OR7E24: variants seen among roughly 807,000 people sequenced by gnomAD.
OR7E24 encodes olfactory receptor 7E24.
For synonymous variants in OR7E24, 130 were observed against 157.5 expected (o/e 0.83, Z 1.31); for missense variants, 385 against 410.3 (o/e 0.94, Z 0.53).
At chr19:9,213,931 T>G in the OR7E24 span, 1 of 1,614,152 alleles carries the variant, frequency 6.2e-7, no homozygotes. Context: ...CTGAGGAGTC[T>G]TTCCAGGGCC....
the OR7E24 span, chr19:9,207,791 T>G: frequency 6.6e-6 from 1 of 152,198 alleles, no homozygotes; most frequent in African/African-American, 2.4e-5. Flanking sequence ...TTCCATCTGG[T>G]GTTCTTGTTA....
chr19:9,228,249 A>G, the OR7E24 span, among the ~76,000 whole-genome samples: 1,505 of 152,262 alleles, frequency 9.9e-3, 33 homozygotes, highest in African/African-American at 0.034. Context: ...CATGGATTTT[A>G]TATATTGGGG....
the OR7E24 span, chr19:9,236,215 T>C: frequency 1.6e-6 from 1 of 618,704 alleles, no homozygotes; most frequent in African/African-American, 1.8e-5. Context: ...CGACTTTGCT[T>C]AAAATGTTTT....
At chr19:9,237,264 T>A in the OR7E24 span, among the ~76,000 whole-genome samples, 1 of 152,060 alleles carries the variant, frequency 6.6e-6, no homozygotes, top group Non-Finnish European at 1.5e-5. Flanking sequence ...AGTCTCTCCC[T>A]CCTTCCTTTC....
the OR7E24 span, among the ~76,000 whole-genome samples, chr19:9,218,521 A>G: frequency 2.0e-5 from 3 of 152,244 alleles, no homozygotes; most frequent in African/African-American, 7.2e-5. Context: ...TTTTAATACC[A>G]CAGGCAACAA....
chr19:9,230,137 T>C, the OR7E24 span, among the ~76,000 whole-genome samples: 2 of 151,866 alleles, frequency 1.3e-5, no homozygotes, highest in African/African-American at 4.8e-5. Context: ...CTCCGCCTCT[T>C]GGGTTCAAGC....
chr19:9,234,216 A>G, the OR7E24 span, among the ~76,000 whole-genome samples: 1 of 152,108 alleles, frequency 6.6e-6, no homozygotes, highest in East Asian at 1.9e-4. Context: ...GTCTTTCTTA[A>G]GGTCACACAA....
chr19:9,226,804 A>C, the OR7E24 span, among the ~76,000 whole-genome samples: 1 of 152,216 alleles, frequency 6.6e-6, no homozygotes, highest in African/African-American at 2.4e-5. Flanking sequence ...AATCTGCAGA[A>C]GTCAGACTTG....
upstream of OR7E24, chr19:9,247,460 G>C (rs1241434802): frequency 2.5e-6 from 1 of 398,574 alleles, no homozygotes; most frequent in Non-Finnish European, 4.4e-6. Flanking sequence ...CACCACACAG[G>C]GAGGACAGCG....
the OR7E24 span, among the ~76,000 whole-genome samples, chr19:9,236,336 C>T: frequency 6.6e-6 from 1 of 151,854 alleles, no homozygotes; most frequent in Admixed American, 6.6e-5. Flanking sequence ...CAGGTGAAAC[C>T]CTGTCTCTAC....
chr19:9,222,154 G>C, the OR7E24 span, among the ~76,000 whole-genome samples: 4 of 152,242 alleles, frequency 2.6e-5, no homozygotes, highest in African/African-American at 9.6e-5. Context: ...TTCTGTGGTT[G>C]ATATTTTGTT....
At chr19:9,241,214 G>A in the OR7E24 span, among the ~76,000 whole-genome samples, 1 of 152,336 alleles carries the variant, frequency 6.6e-6, no homozygotes, top group Admixed American at 6.5e-5. Flanking sequence ...GAAGGGTTTA[G>A]TTTGTTGTGC....
chr19:9,219,652 G>A, the OR7E24 span: 1 of 152,186 alleles, frequency 6.6e-6, no homozygotes, highest in Admixed American at 6.5e-5. Context: ...TTAAACAGGG[G>A]CACATTTTAA....
chr19:9,245,634 G>T, upstream of OR7E24, among the ~76,000 whole-genome samples: 1 of 152,192 alleles, frequency 6.6e-6, no homozygotes, highest in Non-Finnish European at 1.5e-5. Context: ...TATTAAATTC[G>T]AACTCAATTG....
chr19:9,232,887 A>G, the OR7E24 span, among the ~76,000 whole-genome samples: 1 of 152,198 alleles, frequency 6.6e-6, no homozygotes, highest in East Asian at 1.9e-4. Context: ...AAATGATGAA[A>G]GAAAACACAA....
the OR7E24 span, among the ~76,000 whole-genome samples, chr19:9,225,162 G>C: frequency 6.6e-6 from 1 of 151,918 alleles, no homozygotes; most frequent in Non-Finnish European, 1.5e-5. Context: ...ATCACCTGAG[G>C]TCAGGAGTTC....
At chr19:9,207,698 C>T in the OR7E24 span, 2 of 152,190 alleles carry the variant, frequency 1.3e-5, no homozygotes, top group Non-Finnish European at 2.9e-5. Context: ...GGTTTCTAAG[C>T]CATTGTCTTT....
chr19:9,216,819 T>C, the OR7E24 span, among the ~76,000 whole-genome samples: 1 of 152,206 alleles, frequency 6.6e-6, no homozygotes, highest in Non-Finnish European at 1.5e-5. Context: ...TTTGAACTCC[T>C]GGGCTCAAGT....
the OR7E24 span, among the ~76,000 whole-genome samples, chr19:9,224,017 A>AT: frequency 6.6e-6 from 1 of 151,666 alleles, no homozygotes; most frequent in Non-Finnish European, 1.5e-5. Flanking sequence ...CACCCAGCTA[A>AT]TTTTTTGTAT....
Sources: allele counts gnomAD v4.1 joint callset (sites outside exome capture counted in the v4.1 genomes callset), GRCh38; gene constraint gnomAD v4.1.1; transcripts MANE v1.5; gene names NCBI Gene and HGNC (gene_info 2026-07-23, HGNC 2026-07-21).